The following INPP5A variants were observed in gnomAD, a reference collection of about 807,000 sequenced individuals.
The protein encoded by INPP5A is 43 kDa inositol polyphosphate 5-phophatase.
A neutral mutation model predicts 65.2 loss-of-function variants in INPP5A; 14 were observed. That is an observed-to-expected ratio of 0.21 (90% CI 0.14 to 0.34). The LOEUF is 0.34. INPP5A is among the 10% of genes least tolerant of loss of function. INPP5A has a pLI of 1.00. For missense variants in INPP5A, 431 were observed against 545.6 expected, an observed-to-expected ratio of 0.79 and a Z score of 2.09; for synonymous variants, 207 against 208.3, an observed-to-expected ratio of 0.99 and a Z score of 0.05.
chr10:132,649,396 G>C (rs577685985), intron 3 of INPP5A, among the ~76,000 whole-genome samples: 2 of 152,238 alleles, frequency 1.3e-5, no homozygotes, highest in East Asian at 3.8e-4. Flanking sequence ...ACACATTCAC[G>C]TGGTGTTGCT....
chr10:132,559,002 G>C lies in INPP5A; in HGVS notation c.75+20831G>C, dbSNP rs544057600. ...CTGGAGCCTTCCTCCCAGACCCATC[G>C]GCCTCCTCGGGACAGTCCAGCCCCG... is the stretch of plus-strand genomic sequence containing the variant. On this transcript the variant is annotated intron_variant, in intron 1 of 15. Coordinates refer to ENST00000368594, the MANE Select transcript of INPP5A (RefSeq NM_005539.5). Among the ~76,000 whole-genome samples, 3 of 152,276 alleles carry C rather than the reference G, an allele frequency of 2.0e-5. No homozygotes were observed. The South Asian group carries it at 6.2e-4, about 32-fold the overall frequency.
intron 11 of INPP5A, among the ~76,000 whole-genome samples, 160 bp downstream of exon 11, chr10:132,750,005 T>C (rs1356637013): frequency 1.3e-5 from 2 of 152,188 alleles, no homozygotes; most frequent in East Asian, 3.9e-4. Context: ...GGGACACATA[T>C]TGGGTGCGTC....
chr10:132,734,360 C>T (rs1036857684), intron 9 of INPP5A, among the ~76,000 whole-genome samples: 6 of 152,216 alleles, frequency 3.9e-5, no homozygotes, highest in Admixed American at 2.0e-4. Flanking sequence ...TCATTTTCCT[C>T]GTACAGCTTT....
chr10:132,653,778 C>G (rs942462806), intron 4 of INPP5A, among the ~76,000 whole-genome samples: 2 of 152,170 alleles, frequency 1.3e-5, no homozygotes, highest in Non-Finnish European at 2.9e-5. Flanking sequence ...TGTGAGATGC[C>G]AAAATAGTCT....
intron 4 of INPP5A, among the ~76,000 whole-genome samples, chr10:132,671,425 C>G (rs187206962): frequency 5.3e-4 from 80 of 151,382 alleles, no homozygotes; most frequent in African/African-American, 1.8e-3. Flanking sequence ...CTTCGGACTC[C>G]GCCCTCCCTG....
chr10:132,777,539 A>G, intron 12 of INPP5A, 132 bp from the exon 13 acceptor site: 1 of 727,002 alleles, frequency 1.4e-6, no homozygotes, highest in South Asian at 2.0e-5. Flanking sequence ...AGAAACTTCC[A>G]TGTGTGTATT....
intron 2 of INPP5A, among the ~76,000 whole-genome samples, chr10:132,634,201 G>A (rs1412209981): frequency 1.1e-4 from 16 of 152,250 alleles, no homozygotes; most frequent in Admixed American, 9.2e-4. Context: ...TGTAGCTTTC[G>A]TGAAGTTAGG....
At chr10:132,625,016 G>A (rs2133365439) in intron 2 of INPP5A, among the ~76,000 whole-genome samples, 1 of 152,038 alleles carries the variant, frequency 6.6e-6, no homozygotes, top group African/African-American at 2.4e-5. Context: ...CCACGCCACA[G>A]TCCACTCTCC....
At chr10:132,617,611 T>C (rs760708126) in intron 2 of INPP5A, among the ~76,000 whole-genome samples, 10 of 152,356 alleles carry the variant, frequency 6.6e-5, no homozygotes, top group African/African-American at 7.2e-5. Context: ...TGTGACCTTC[T>C]TCCTGTTGAC....
In INPP5A at chr10:132,538,042, A is replaced by T. The variant is rs2070861862; in HGVS notation, c.-55A>T. 6 of 897,126 alleles carry T rather than the reference A, an allele frequency of 6.7e-6. No homozygotes were observed. Among genetic ancestry groups the T allele is most frequent in the Non-Finnish European group, 8.0e-6 (6 of 746,366 alleles). 55.6% of individuals were successfully genotyped at this position (897,126 alleles called of 1,614,324 possible). A position where few individuals can be genotyped will look rare whatever the true frequency, so the allele number is the denominator to read the frequency against. ...GAAGACCCCGGCCGGCCGGTCCCGG[A>T]GGAAGCGGCCGCCGCCGCCGCCGCC... On this transcript the variant is annotated 5_prime_UTR_variant, in exon 1 of 16. Transcript: ENST00000368594. The surrounding 1 kb of genome is among the most constrained non-coding windows in gnomAD (Gnocchi z 4.1).
At position 132,727,092 on chromosome 10, in the gene INPP5A, C is replaced by T. The variant is rs1158200407; in HGVS notation, c.732+187C>T. 1.1e-5 allele frequency: 5 copies of T among 445,756 alleles called. No homozygotes were observed. The highest frequency in any genetic ancestry group is 4.0e-5 in the Admixed American group (1 of 25,276). The allele number at this position is 445,756 out of a possible 1,614,324, so 27.6% of individuals were successfully genotyped here. On this transcript the variant is annotated intron_variant, in intron 9 of 15. Coordinates refer to ENST00000368594, the MANE Select transcript of INPP5A (RefSeq NM_005539.5). The surrounding 1 kb of genome is among the most constrained non-coding windows in gnomAD (Gnocchi z 6.5). ...CGGCAGAGGGATCCGTGTTGGAATC[C>T]GGGGTGCGCGGGCCCTCAAGGTTGC... is the stretch of plus-strand genomic sequence containing the variant.
At chr10:132,687,525 C>A (rs994296667) in intron 4 of INPP5A, among the ~76,000 whole-genome samples, 3 of 152,256 alleles carry the variant, frequency 2.0e-5, no homozygotes, top group Non-Finnish European at 2.9e-5. Flanking sequence ...ATGCTGCCTG[C>A]TGCACCCTAG....
intron 11 of INPP5A, among the ~76,000 whole-genome samples, chr10:132,751,491 G>C (rs1271786379): frequency 6.6e-6 from 1 of 152,256 alleles, no homozygotes; most frequent in Non-Finnish European, 1.5e-5. Context: ...CCCCTCTCTG[G>C]CTCTGCCTGC....
chr10:132,548,635 C>T (rs915554430), intron 1 of INPP5A, among the ~76,000 whole-genome samples: 1 of 152,186 alleles, frequency 6.6e-6, no homozygotes, highest in African/African-American at 2.4e-5. Context: ...CCCTGGGCCA[C>T]AACTGCTTTC....
chr10:132,697,849 TCTA>T lies in INPP5A; in HGVS notation c.407_409del (p.Tyr136del). On this transcript the variant is annotated inframe_deletion, in exon 6 of 16. Coordinates refer to ENST00000368594, the MANE Select transcript of INPP5A (RefSeq NM_005539.5). The surrounding 1 kb of genome is among the most constrained non-coding windows in gnomAD (Gnocchi z 5.6). ...TATAGAAAGGTCGCTGGCAAAGAGATCTACTCGGATACCTTAGAGAGCACGCCC... is the reference window on the plus strand; with the variant it reads ...TATAGAAAGGTCGCTGGCAAAGAGATCTCGGATACCTTAGAGAGCACGCCC... 1 of 1,613,896 alleles carries T rather than the reference TCTA, an allele frequency of 6.2e-7. No individual in the cohort carries two copies. The highest frequency in any genetic ancestry group is 8.5e-7 in the Non-Finnish European group (1 of 1,179,816).
chr10:132,732,464 T>C (rs987943136), intron 9 of INPP5A, among the ~76,000 whole-genome samples: 1 of 152,226 alleles, frequency 6.6e-6, no homozygotes, highest in African/African-American at 2.4e-5. Flanking sequence ...CTTGTAGGAC[T>C]GTTCAGTCAA....
chr10:132,703,766 C>A (rs368282068), intron 6 of INPP5A, among the ~76,000 whole-genome samples: 37 of 74,056 alleles, frequency 5.0e-4, no homozygotes, highest in African/African-American at 1.5e-3. Context: ...TTCACCCCCC[C>A]CACACACACA....
intron 1 of INPP5A, among the ~76,000 whole-genome samples, chr10:132,585,638 C>T (rs2071536399): frequency 6.6e-6 from 1 of 152,186 alleles, no homozygotes; most frequent in Non-Finnish European, 1.5e-5. Context: ...AGAAGCATTA[C>T]CAGGGCAAAG....
chr10:132,664,626 G>A (rs556193255), intron 4 of INPP5A, among the ~76,000 whole-genome samples: 6 of 152,324 alleles, frequency 3.9e-5, no homozygotes, highest in Admixed American at 1.3e-4. Flanking sequence ...CTCTGAGTGC[G>A]CTCTCTCACA....
Sources: allele counts gnomAD v4.1 joint callset (sites outside exome capture counted in the v4.1 genomes callset), GRCh38; gene constraint gnomAD v4.1.1; non-coding constraint Gnocchi (gnomAD v3.1); transcripts MANE v1.5; gene names NCBI Gene and HGNC (gene_info 2026-07-23, HGNC 2026-07-21).